The following SDCCAG8 variants were observed in gnomAD, a reference collection of about 807,000 sequenced individuals.
The protein encoded by SDCCAG8 is serologically defined colon cancer antigen 8.
In SDCCAG8, 74 loss-of-function variants were observed where a neutral mutation model predicts 101.8. The observed-to-expected ratio is 0.73, with a 90% CI of 0.60 to 0.88. The LOEUF is 0.88. Ranked by LOEUF, SDCCAG8 falls within the 40% of genes least tolerant of loss-of-function variation. SDCCAG8 has a pLI of 0.00. For synonymous variants in SDCCAG8, 281 were observed against 292.9 expected (o/e 0.96, Z 0.41); for missense variants, 787 against 822.6 (o/e 0.96, Z 0.53).
chr1:243,419,504 G>C (rs56179302), intron 15 of SDCCAG8, among the ~76,000 whole-genome samples: 20,073 of 152,130 alleles, frequency 0.13, 1,585 homozygotes, highest in African/African-American at 0.21. Flanking sequence ...TGAATGATTA[G>C]TGATCTTGCT....
At chr1:243,440,113 CAAGTT>C (rs2082430255) in intron 16 of SDCCAG8, among the ~76,000 whole-genome samples, 1 of 152,146 alleles carries the variant, frequency 6.6e-6, no homozygotes. Flanking sequence ...TGACCTTGTG[CAAGTT>C]ACTTCACCCC....
At chr1:243,297,839 G>A (rs1437499174) in intron 6 of SDCCAG8, among the ~76,000 whole-genome samples, 1 of 152,006 alleles carries the variant, frequency 6.6e-6, no homozygotes, top group Non-Finnish European at 1.5e-5. Flanking sequence ...CAAGCCCTTT[G>A]TCAGTATACA....
intron 13 of SDCCAG8, among the ~76,000 whole-genome samples, chr1:243,380,287 T>A (rs971991404): frequency 3.9e-5 from 6 of 152,226 alleles, no homozygotes; most frequent in Non-Finnish European, 8.8e-5. Flanking sequence ...CCTGTGGCTA[T>A]TTAATCTTAG....
intron 17 of SDCCAG8, among the ~76,000 whole-genome samples, chr1:243,498,227 A>ACAATCAAT (rs111264775): frequency 5.3e-5 from 8 of 152,112 alleles, no homozygotes; most frequent in African/African-American, 1.9e-4. Context: ...CCTGCGTTTG[A>ACAATCAAT]CAATCAGATC....
intron 1 of SDCCAG8, among the ~76,000 whole-genome samples, chr1:243,261,438 G>A (rs2067184725): frequency 6.6e-6 from 1 of 152,222 alleles, no homozygotes; most frequent in South Asian, 2.1e-4. Context: ...TATAATCTCA[G>A]GGATGGGCCT....
At chr1:243,387,809 A>G (rs1424821695) in intron 13 of SDCCAG8, among the ~76,000 whole-genome samples, 1 of 152,162 alleles carries the variant, frequency 6.6e-6, no homozygotes, top group Non-Finnish European at 1.5e-5. Context: ...TCTGCCTCCC[A>G]GGTCCAAGCA....
Position 243,268,349 on chromosome 1 carries a change from T to TTTTC in SDCCAG8, c.68-1754_68-1751dup, listed in dbSNP as rs558561025. ...ATGACCAAATCGCTTTTCTATTCTA[T>TTTTC]TTTCTAATACTAAGTTATTGTAAAA... On this transcript the variant is annotated intron_variant, in intron 1 of 17. Coordinates refer to ENST00000366541, the MANE Select transcript of SDCCAG8 (RefSeq NM_006642.5). Among the ~76,000 whole-genome samples, 369 of 152,392 alleles carry TTTTC rather than the reference T, an allele frequency of 2.4e-3. 3 individuals carry two copies. The highest frequency in any genetic ancestry group is 8.2e-3 in the African/African-American group (341 of 41,594).
chr1:243,394,900 A>C (rs1207577362), intron 13 of SDCCAG8, among the ~76,000 whole-genome samples: 2 of 152,028 alleles, frequency 1.3e-5, no homozygotes, highest in Non-Finnish European at 2.9e-5. Context: ...TTAGTATCAA[A>C]CTATCTAAAC....
At chr1:243,307,747 A>G in intron 7 of SDCCAG8, 1 of 1,410,166 alleles carries the variant, frequency 7.1e-7, no homozygotes, top group African/African-American at 1.4e-5. Flanking sequence ...CTATATTAAA[A>G]TCTTACAAGA....
chr1:243,357,479 A>G (rs1041993764), intron 12 of SDCCAG8, among the ~76,000 whole-genome samples: 4 of 152,222 alleles, frequency 2.6e-5, no homozygotes, highest in Non-Finnish European at 5.9e-5. Context: ...CAGATAATAA[A>G]GAGCAATGGC....
At chr1:243,287,107 C>T (rs903420649) in intron 5 of SDCCAG8, among the ~76,000 whole-genome samples, 9 of 152,304 alleles carry the variant, frequency 5.9e-5, no homozygotes, top group East Asian at 5.8e-4. Context: ...GTCAGATTAT[C>T]TCTATAATTC....
In SDCCAG8 at chr1:243,499,897, A is replaced by C; in HGVS notation, c.*112A>C. The C allele has an allele frequency of 9.9e-7, 1 of 1,013,486 alleles. No homozygotes were observed. Among genetic ancestry groups the C allele is most frequent in the Non-Finnish European group, 1.5e-6 (1 of 656,360 alleles). 62.8% of individuals were successfully genotyped at this position (1,013,486 alleles called of 1,614,324 possible). A position where few individuals can be genotyped will look rare whatever the true frequency, so the allele number is the denominator to read the frequency against. ...GACCTTCCCAGGGTGACACCGCCTC[A>C]GCCTGCAGTGGGGCTGGTCCTCATC... On this transcript the variant is annotated 3_prime_UTR_variant, in exon 18 of 18. Coordinates refer to ENST00000366541, the MANE Select transcript of SDCCAG8 (RefSeq NM_006642.5).
At chr1:243,320,998 A>T (rs1181458692) in intron 9 of SDCCAG8, among the ~76,000 whole-genome samples, 1 of 152,148 alleles carries the variant, frequency 6.6e-6, no homozygotes, top group East Asian at 1.9e-4. Flanking sequence ...AGGGTTTTTC[A>T]ACCTTGGTGC....
rs185944691 is a variant in SDCCAG8 at position 243,426,508 on chromosome 1, G to A, written c.1935G>A (p.Leu645=). ...LGKLQRRNEE[L]EEQCVQHGRV... ...AGTTACAGAGAAGAAATGAAGAATT[G>A]GAGGAACAGTGTGTCCAGCATGGGA... The change falls in exon 16 of 18, where the codon TTG becomes TTA. Residue 645 remains leucine (L), a synonymous_variant. Coordinates refer to ENST00000366541, the MANE Select transcript of SDCCAG8 (RefSeq NM_006642.5). 11 of 1,613,952 alleles carry A rather than the reference G, an allele frequency of 6.8e-6. No individual in the cohort carries two copies. In the African/African-American group the frequency reaches 1.1e-4, roughly 16 times the overall value.
chr1:243,352,156 G>A (rs1167111660), intron 12 of SDCCAG8, among the ~76,000 whole-genome samples: 1 of 152,194 alleles, frequency 6.6e-6, no homozygotes, highest in Non-Finnish European at 1.5e-5. Context: ...AAAATCAAAT[G>A]TATAAGCAGA....
At chr1:243,470,168 C>G (rs556370000) in intron 16 of SDCCAG8, among the ~76,000 whole-genome samples, 1 of 152,310 alleles carries the variant, frequency 6.6e-6, no homozygotes, top group Admixed American at 6.5e-5. Flanking sequence ...ACCAACGAGG[C>G]TGTCCCATGT....
At chr1:243,279,762 C>T (rs2068875807) in intron 4 of SDCCAG8, among the ~76,000 whole-genome samples, 2 of 152,102 alleles carry the variant, frequency 1.3e-5, no homozygotes, top group South Asian at 4.1e-4. Flanking sequence ...CTTACTTTAT[C>T]CTGGTGTATA....
chr1:243,488,636 C>T (rs747044480), intron 16 of SDCCAG8, among the ~76,000 whole-genome samples: 1 of 152,194 alleles, frequency 6.6e-6, no homozygotes, highest in Non-Finnish European at 1.5e-5. Flanking sequence ...ACCCACTTCC[C>T]CAGCCGGGGC....
intron 13 of SDCCAG8, among the ~76,000 whole-genome samples, chr1:243,386,087 C>CTGAG (rs2078269319): frequency 6.6e-6 from 1 of 152,210 alleles, no homozygotes; most frequent in Non-Finnish European, 1.5e-5. Context: ...CTAACATTTG[C>CTGAG]TGAGCCCCTG....
Sources: allele counts gnomAD v4.1 joint callset (sites outside exome capture counted in the v4.1 genomes callset), GRCh38; gene constraint gnomAD v4.1.1; transcripts MANE v1.5; gene names NCBI Gene and HGNC (gene_info 2026-07-23, HGNC 2026-07-21).